Variants in NCOA6 observed in about 807,000 individuals in gnomAD.
NCOA6 encodes NRC RAP250.
Under a neutral mutation model 171.4 loss-of-function variants are expected in NCOA6, and 49 were observed. The ratio of observed to expected loss-of-function variants is 0.29; its 90% CI spans 0.23 to 0.36. The LOEUF is 0.36. Among genes scored for constraint, NCOA6 ranks in the 10% least tolerant of loss-of-function variants. NCOA6 has a pLI of 1.00. For synonymous variants in NCOA6, 910 were observed against 927.5 expected (o/e 0.98, Z 0.34); for missense variants, 2,248 against 2,554.5 (o/e 0.88, Z 2.59).
chr20:34,758,942 AAG>A lies in NCOA6; in HGVS notation c.515-11_515-10del. 6.2e-7 allele frequency: 1 copy of A among 1,613,388 alleles called. No individual in the cohort carries two copies. Reference sequence around the variant, plus strand: ...GTTCATCCTTATTATTCCTAGAAAAAAGATCCCTAAAATAGAGTACTGGAATT... The same window carrying A: ...GTTCATCCTTATTATTCCTAGAAAAAATCCCTAAAATAGAGTACTGGAATT... On this transcript the variant is annotated splice_polypyrimidine_tract_variant and intron_variant, in intron 5 of 14. Coordinates refer to ENST00000359003, the MANE Select transcript of NCOA6 (RefSeq NM_014071.5).
Position 34,754,773 on chromosome 20 carries a change from C to T in NCOA6, c.1624G>A (p.Gly542Arg). The T allele has an allele frequency of 6.2e-7, 1 of 1,614,184 alleles. No homozygotes were observed. The highest frequency in any genetic ancestry group is 8.5e-7 in the Non-Finnish European group (1 of 1,180,034). ...QVPSTTATTP[G>R]NSGAPQLQAN... is the part of the protein sequence containing the mutation. ...TGCAGCTGAGGGGCTCCTGAATTCC[C>T]AGGGGTGGTTGCTGTGGTCGAAGGC... Residue 542 changes from glycine (G) to arginine (R), a missense_variant, in exon 8 of 15, where the codon GGG becomes AGG. Physicochemically the swap from Gly to Arg is moderately radical, Grantham distance 125 (BLOSUM62 -2). This residue lies in a region of NCOA6 where 987 missense variants were observed against 1,104.7 expected (regional missense o/e 0.89). Transcript: ENST00000359003.
intron 14 of NCOA6, among the ~76,000 whole-genome samples, chr20:34,726,337 C>T (rs887247536): frequency 6.6e-6 from 1 of 152,058 alleles, no homozygotes; most frequent in Non-Finnish European, 1.5e-5. Context: ...TCTATTTTCT[C>T]TGTGAAGAGG....
intron 7 of NCOA6, among the ~76,000 whole-genome samples, chr20:34,755,307 T>A (rs2076609903): frequency 6.6e-6 from 1 of 152,192 alleles, no homozygotes; most frequent in Non-Finnish European, 1.5e-5. Flanking sequence ...AGATGGGTCC[T>A]GATATTAAGG....
intron 3 of NCOA6, 68 bp downstream of exon 3, chr20:34,782,053 A>G (rs922056215): frequency 5.3e-6 from 6 of 1,130,464 alleles, no homozygotes; most frequent in African/African-American, 4.7e-5. Flanking sequence ...GTAAAACTCA[A>G]GATAACCATG....
intron 4 of NCOA6, among the ~76,000 whole-genome samples, chr20:34,771,083 A>G (rs1355785184): frequency 6.6e-6 from 1 of 152,218 alleles, no homozygotes; most frequent in East Asian, 1.9e-4. Context: ...TACTTAATAC[A>G]TTCAATGTAT....
At chr20:34,738,185 G>A (rs764407188) in intron 11 of NCOA6, among the ~76,000 whole-genome samples, 8 of 152,260 alleles carry the variant, frequency 5.3e-5, no homozygotes, top group Non-Finnish European at 7.4e-5. Context: ...TTACAGGCAT[G>A]AGCCACCGTG....
At chr20:34,800,082 A>T (rs1307755669) in intron 1 of NCOA6, among the ~76,000 whole-genome samples, 1 of 152,186 alleles carries the variant, frequency 6.6e-6, no homozygotes, top group Non-Finnish European at 1.5e-5. Context: ...AAAAAGTTTA[A>T]AAGTGGGGGG....
Position 34,749,258 on chromosome 20 carries a change from A to T in NCOA6, c.2792+145T>A, listed in dbSNP as rs2076396170. ...ATGGAAGAGAGTACAGATGAAGGCAAGACAGACTATGAGTTGATAATTATT... is the reference window on the plus strand; with the variant it reads ...ATGGAAGAGAGTACAGATGAAGGCATGACAGACTATGAGTTGATAATTATT... On this transcript the variant is annotated intron_variant, in intron 9 of 14. Coordinates refer to ENST00000359003, the MANE Select transcript of NCOA6 (RefSeq NM_014071.5). 3 of 1,053,654 alleles carry T rather than the reference A, an allele frequency of 2.8e-6. No individual in the cohort carries two copies. The South Asian group carries it at 5.0e-5, about 18-fold the overall frequency. 65.3% of individuals were successfully genotyped at this position (1,053,654 alleles called of 1,614,324 possible).
chr20:34,757,557 G>A lies in NCOA6; in HGVS notation c.1191C>T (p.Gly397=). Residue 397 remains glycine, a synonymous_variant, in exon 7 of 15, where the codon GGC becomes GGT. Coordinates refer to ENST00000359003, the MANE Select transcript of NCOA6 (RefSeq NM_014071.5). ...TCTTCATCTGAGGAGCTGTGAACTG[G>A]CCTGGGTTGCTCATCTGAGGAAAGT... ...HTNFPQMSNP[G]QFTAPQMKSL... 1 of 1,614,026 alleles carries A rather than the reference G, an allele frequency of 6.2e-7. No individual in the cohort carries two copies. The highest frequency in any genetic ancestry group is 8.5e-7 in the Non-Finnish European group (1 of 1,179,972).
intron 3 of NCOA6, among the ~76,000 whole-genome samples, chr20:34,781,896 A>G (rs2077525079): frequency 6.6e-6 from 1 of 152,246 alleles, no homozygotes; most frequent in East Asian, 1.9e-4. Flanking sequence ...AGAGAAGATT[A>G]TTCAACAATT....
At chr20:34,785,876 T>C (rs2077660623) in intron 2 of NCOA6, among the ~76,000 whole-genome samples, 1 of 136,192 alleles carries the variant, frequency 7.3e-6, no homozygotes, top group Non-Finnish European at 1.6e-5. Context: ...ACACAGTACT[T>C]AAAAAAAAAA....
At chr20:34,748,585 T>C (rs1471038427) in intron 9 of NCOA6, among the ~76,000 whole-genome samples, 1 of 152,238 alleles carries the variant, frequency 6.6e-6, no homozygotes, top group African/African-American at 2.4e-5. Context: ...TCAGTGAATA[T>C]TCCTTCTGGA....
intron 13 of NCOA6, among the ~76,000 whole-genome samples, chr20:34,729,269 C>T (rs1990329862): frequency 6.6e-6 from 1 of 152,096 alleles, no homozygotes; most frequent in South Asian, 2.1e-4. Context: ...ATAAATCTGA[C>T]ACAATATATT....
intron 11 of NCOA6, 29 bp downstream of exon 11, chr20:34,740,334 A>G (rs745445698): frequency 1.2e-4 from 196 of 1,587,118 alleles, no homozygotes; most frequent in Admixed American, 3.3e-4. Flanking sequence ...AAACTGACAC[A>G]AAGAGATGAT....
chr20:34,715,415 G>A, intron 14 of NCOA6, 50 bp from the exon 15 acceptor site: 1 of 1,387,112 alleles, frequency 7.2e-7, no homozygotes, highest in Non-Finnish European at 1.0e-6. Context: ...CTTTACAGCA[G>A]TGCCCTTTAG....
chr20:34,754,627 C>A, intron 8 of NCOA6, 95 bp downstream of exon 8: 3 of 1,450,194 alleles, frequency 2.1e-6, no homozygotes, highest in Non-Finnish European at 2.8e-6. Flanking sequence ...GGGGAGAGAC[C>A]AAGACTTATT....
chr20:34,748,197 A>G (rs1229916055), intron 9 of NCOA6, among the ~76,000 whole-genome samples: 1 of 152,238 alleles, frequency 6.6e-6, no homozygotes, highest in East Asian at 1.9e-4. Flanking sequence ...AGAGAATAAA[A>G]TATTTATTAA....
rs534522060 is a variant in NCOA6, at chr20:34,743,106, G to C, written c.3150C>G (p.Val1050=). Residue 1050 remains valine (V), a synonymous_variant, in exon 11 of 15, where the codon GTC becomes GTG. Transcript: ENST00000359003. ...QQDPKSVRLP[V]SQNVHPPRGP... ...CCCTTGGAGGATGGACATTTTGAGA[G>C]ACTGGAAGCCTAACTGATTTGGGAT... 1.3e-5 allele frequency: 21 copies of C among 1,613,502 alleles called. No homozygotes were observed. The South Asian group carries it at 1.6e-4, about 13-fold the overall frequency.
At chr20:34,760,204 G>C (rs533660011) in intron 5 of NCOA6, among the ~76,000 whole-genome samples, 5 of 152,280 alleles carry the variant, frequency 3.3e-5, no homozygotes, top group South Asian at 2.1e-4. Context: ...TTGAGCCCAA[G>C]AGTTTGAGGC....
Sources: gnomAD v4.1 joint callset for allele counts (sites outside exome capture counted in the v4.1 genomes callset) on GRCh38, gnomAD v4.1.1 for gene constraint, gnomAD v4.1.1 regional missense constraint, MANE v1.5 for transcripts, NCBI Gene and HGNC (gene_info 2026-07-23, HGNC 2026-07-21) for gene names.